Variants in ARSJ observed in about 807,000 individuals in gnomAD.
ARSJ encodes arylsulfatase family member J.
In ARSJ, 26 loss-of-function variants were observed where a neutral mutation model predicts 35.9. The ratio of observed to expected loss-of-function variants is 0.72; its 90% CI spans 0.53 to 1.00. ARSJ has a LOEUF of 1.00. Among genes scored for constraint, ARSJ ranks in the 50% least tolerant of loss-of-function variants. The probability of loss-of-function intolerance (pLI) is 0.00; values close to 1 mark genes in which losing one functional copy is unlikely to be tolerated. For missense variants in ARSJ, 667 were observed against 723.6 expected, an observed-to-expected ratio of 0.92 and a Z score of 0.90; for synonymous variants, 294 against 267.6, an observed-to-expected ratio of 1.10 and a Z score of -0.96.
chr4:113,956,283 T>G (rs546018263), intron 1 of ARSJ, among the ~76,000 whole-genome samples: 4 of 152,180 alleles, frequency 2.6e-5, no homozygotes, highest in Non-Finnish European at 5.9e-5. Flanking sequence ...ACGCCACCTC[T>G]CCTTATAGGG....
Position 113,978,676 on chromosome 4 carries a change from C to T in ARSJ, c.159G>A (p.Glu53=), listed in dbSNP as rs540011201. The change falls in exon 1 of 2, where the codon GAG becomes GAA. Residue 53 remains glutamate, a synonymous_variant. Coordinates refer to ENST00000315366, the MANE Select transcript of ARSJ (RefSeq NM_024590.4). ...YLSWGQALEE[E]EEGALLAQAG... ...CTTGAGCTAGTAAGGCCCCTTCTTC[C>T]TCCTCTTCTAAGGCCTGGCCCCAGG... The T allele has an allele frequency of 1.2e-6, 2 of 1,614,116 alleles. No individual in the cohort carries two copies. Among genetic ancestry groups the T allele is most frequent in the Non-Finnish European group, 1.7e-6 (2 of 1,180,042 alleles).
chr4:113,942,781 C>T (rs937258103), intron 1 of ARSJ, among the ~76,000 whole-genome samples: 2 of 152,028 alleles, frequency 1.3e-5, no homozygotes, highest in African/African-American at 4.8e-5. Flanking sequence ...AAATTTACCA[C>T]GTTTCTTTTA....
chr4:113,972,293 G>A (rs1406363692), intron 1 of ARSJ, among the ~76,000 whole-genome samples: 20 of 61,632 alleles, frequency 3.2e-4, no homozygotes, highest in South Asian at 9.7e-4. Flanking sequence ...AGATGATCTG[G>A]AAAAAAAAAA....
intron 1 of ARSJ, among the ~76,000 whole-genome samples, chr4:113,939,272 T>TG (rs35634436): frequency 0.56 from 73,608 of 131,806 alleles, 21,194 homozygotes; most frequent in East Asian, 0.79. Flanking sequence ...TAGTATTCCA[T>TG]GTGTATATGT....
chr4:113,920,318 C>T (rs559176050), intron 1 of ARSJ, among the ~76,000 whole-genome samples: 4 of 152,268 alleles, frequency 2.6e-5, no homozygotes, highest in Non-Finnish European at 5.9e-5. Context: ...TTAAACCACA[C>T]ATTCATAAAA....
At chr4:113,950,328 G>A (rs1468115919) in intron 1 of ARSJ, among the ~76,000 whole-genome samples, 1 of 152,050 alleles carries the variant, frequency 6.6e-6, no homozygotes, top group African/African-American at 2.4e-5. Context: ...ACCTGCCTCT[G>A]CTGCAACCTC....
chr4:113,955,707 T>A (rs1319756324), intron 1 of ARSJ, among the ~76,000 whole-genome samples: 1 of 152,066 alleles, frequency 6.6e-6, no homozygotes, highest in Non-Finnish European at 1.5e-5. Context: ...AAACTGAGGC[T>A]TAGGGAGGTA....
chr4:113,943,025 A>G (rs1366575798), intron 1 of ARSJ, among the ~76,000 whole-genome samples: 1 of 152,008 alleles, frequency 6.6e-6, no homozygotes, highest in East Asian at 1.9e-4. Context: ...ATCCCAATAC[A>G]TCTCAAACCC....
At chr4:113,916,528 C>CT (rs11458953) in intron 1 of ARSJ, among the ~76,000 whole-genome samples, 106,786 of 151,416 alleles carry the variant, frequency 0.71, 38,464 homozygotes, top group East Asian at 0.81. Flanking sequence ...CACGTTCTCT[C>CT]TTTTTTTTGT....
intron 1 of ARSJ, among the ~76,000 whole-genome samples, chr4:113,966,846 A>C (rs1726921247): frequency 6.6e-6 from 1 of 152,178 alleles, no homozygotes; most frequent in Admixed American, 6.5e-5. Flanking sequence ...GGCTTTGTGC[A>C]CGGAACAATT....
chr4:113,929,894 C>T (rs1311456485), intron 1 of ARSJ, among the ~76,000 whole-genome samples: 2 of 152,120 alleles, frequency 1.3e-5, no homozygotes, highest in Non-Finnish European at 2.9e-5. Flanking sequence ...TCACTAAGCT[C>T]CTTGCCTCTC....
intron 1 of ARSJ, among the ~76,000 whole-genome samples, chr4:113,967,806 C>T (rs1365015916): frequency 6.6e-6 from 1 of 152,110 alleles, no homozygotes; most frequent in East Asian, 1.9e-4. Flanking sequence ...AAACATTCCT[C>T]TTAAATTTTA....
At chr4:113,911,442 C>T (rs1052926173) in intron 1 of ARSJ, among the ~76,000 whole-genome samples, 3 of 152,126 alleles carry the variant, frequency 2.0e-5, no homozygotes, top group African/African-American at 4.8e-5. Context: ...TGGAGTGGAA[C>T]AAGACCTAGG....
At chr4:113,916,023 CTGCGAAAAGTT>C (rs1167194545) in intron 1 of ARSJ, among the ~76,000 whole-genome samples, 1 of 152,210 alleles carries the variant, frequency 6.6e-6, no homozygotes, top group Non-Finnish European at 1.5e-5. Context: ...CTCTTATTTT[CTGCGAAAAGTT>C]TGCCCCTTAT....
intron 1 of ARSJ, among the ~76,000 whole-genome samples, chr4:113,920,115 TTA>T (rs550539438): frequency 2.8e-4 from 43 of 152,260 alleles, no homozygotes; most frequent in African/African-American, 9.9e-4. Context: ...GAGCTGACAG[TTA>T]TAGTTTCTGA....
chr4:113,913,352 C>A (rs1207822342), intron 1 of ARSJ, among the ~76,000 whole-genome samples: 1 of 152,096 alleles, frequency 6.6e-6, no homozygotes, highest in Non-Finnish European at 1.5e-5. Context: ...CTAAGTGATT[C>A]TTTTCTGGAA....
intron 1 of ARSJ, among the ~76,000 whole-genome samples, chr4:113,911,526 T>C (rs1301123102): frequency 2.0e-5 from 3 of 151,990 alleles, no homozygotes; most frequent in African/African-American, 7.3e-5. Flanking sequence ...GAGGATGCAG[T>C]AAAGGGAAGA....
rs898982949 is a variant in ARSJ, at chr4:113,903,264, T to G, written c.810A>C (p.Ser270=). The G allele has an allele frequency of 1.2e-6, 2 of 1,614,068 alleles. No homozygotes were observed. Among genetic ancestry groups the G allele is most frequent in the Admixed American group, 1.7e-5 (1 of 59,996 alleles). ...FLYIAYQAVH[S]PLQAPGRYFE... ...AATACCTGCCAGGAGCTTGCAGTGGTGAATGAACAGCTTGATAGGCAATAT... is the reference window on the plus strand; with the variant it reads ...AATACCTGCCAGGAGCTTGCAGTGGGGAATGAACAGCTTGATAGGCAATAT... Residue 270 remains serine, a synonymous_variant, in exon 2 of 2, where the codon TCA becomes TCC. Coordinates refer to ENST00000315366, the MANE Select transcript of ARSJ (RefSeq NM_024590.4).
At chr4:113,957,368 A>C (rs1726248226) in intron 1 of ARSJ, among the ~76,000 whole-genome samples, 1 of 152,116 alleles carries the variant, frequency 6.6e-6, no homozygotes, top group Admixed American at 6.6e-5. Flanking sequence ...TCTCCTGAGA[A>C]AAAAATAGAA....
Sources: allele counts gnomAD v4.1 joint callset (sites outside exome capture counted in the v4.1 genomes callset), GRCh38; gene constraint gnomAD v4.1.1; transcripts MANE v1.5; gene names NCBI Gene and HGNC (gene_info 2026-07-23, HGNC 2026-07-21).